LRRFIP2: variants seen among roughly 807,000 people sequenced by gnomAD.
LRRFIP2 encodes LRR binding FLII interacting protein 2.
Under a neutral mutation model 125.9 loss-of-function variants are expected in LRRFIP2, and 109 were observed. The ratio of observed to expected loss-of-function variants is 0.87; its 90% CI spans 0.74 to 1.01. The LOEUF is 1.01. LRRFIP2 is among the 50% of genes least tolerant of loss of function. The pLI is 0.00. For synonymous variants in LRRFIP2, 291 were observed against 293.1 expected, an observed-to-expected ratio of 0.99 and a Z score of 0.07; for missense variants, 850 against 862.3, an observed-to-expected ratio of 0.99 and a Z score of 0.18.
In LRRFIP2 at chr3:37,105,387, C is replaced by T. The variant is rs551308401; in HGVS notation, c.783+68G>A. 55 of 1,280,670 alleles carry T rather than the reference C, an allele frequency of 4.3e-5. No homozygotes were observed. In the African/African-American group the frequency reaches 5.4e-4, roughly 13 times the overall value. 79.3% of individuals were successfully genotyped at this position (1,280,670 alleles called of 1,614,324 possible). On this transcript the variant is annotated intron_variant, in intron 14 of 27. Transcript: ENST00000336686. ...AATGCAAACTTCACTTTCCAACAGA[C>T]TTCATGTGATCATGCATTGCTGTCA...
chr3:37,066,125 G>A, intron 22 of LRRFIP2, 99 bp downstream of exon 22: 2 of 1,325,950 alleles, frequency 1.5e-6, no homozygotes, highest in African/African-American at 1.4e-5. Flanking sequence ...AATAAACACT[G>A]TAGTTTGTAT....
chr3:37,070,472 A>C (rs1381475814), intron 21 of LRRFIP2, among the ~76,000 whole-genome samples: 5 of 151,658 alleles, frequency 3.3e-5, no homozygotes, highest in African/African-American at 9.7e-5. Flanking sequence ...ACAGTGGCTC[A>C]TGCCTGTAGT....
At chr3:37,113,049 C>G in intron 7 of LRRFIP2, 69 bp from the exon 8 acceptor site, 1 of 867,398 alleles carries the variant, frequency 1.2e-6, no homozygotes, top group Non-Finnish European at 1.9e-6. Flanking sequence ...TAAAATTCAT[C>G]TTCAAATTAT....
intron 1 of LRRFIP2, among the ~76,000 whole-genome samples, chr3:37,156,320 A>C (rs1254114624): frequency 1.3e-5 from 2 of 151,860 alleles, no homozygotes; most frequent in Non-Finnish European, 2.9e-5. Context: ...TCTTTAAAAA[A>C]AATTTTTTTT....
intron 18 of LRRFIP2, among the ~76,000 whole-genome samples, chr3:37,088,747 C>A (rs1036621504): frequency 6.6e-6 from 1 of 151,658 alleles, no homozygotes; most frequent in Non-Finnish European, 1.5e-5. Context: ...CAATGAGCTA[C>A]GATTGTGTCA....
intron 18 of LRRFIP2, among the ~76,000 whole-genome samples, chr3:37,085,948 G>A (rs182360885): frequency 6.6e-6 from 1 of 152,104 alleles, no homozygotes; most frequent in Non-Finnish European, 1.5e-5. Context: ...CACAGAATGG[G>A]AGAAAATATT....
At position 37,091,467 on chromosome 3, in the gene LRRFIP2, CT is replaced by C; in HGVS notation, c.1106del (p.Lys369ArgfsTer21). 6.2e-7 allele frequency: 1 copy of C among 1,609,620 alleles called. No individual in the cohort carries two copies. The highest frequency in any genetic ancestry group is 8.5e-7 in the Non-Finnish European group (1 of 1,178,174). ...GRYMQGLKEL[K>X]ESLSEVEEKY... ...TGGGCTGCAGAATGGGCCCTGATAC[CT>C]TTAGTTCTTTAAGCCCCTGCATGTA... is the stretch of plus-strand genomic sequence containing the variant. On this transcript the variant is annotated frameshift_variant and splice_region_variant, in exon 18 of 28. Coordinates refer to ENST00000336686, the MANE Select transcript of LRRFIP2 (RefSeq NM_006309.4). LOFTEE classifies it high-confidence loss of function.
intron 1 of LRRFIP2, among the ~76,000 whole-genome samples, chr3:37,153,993 A>T (rs369704297): frequency 6.7e-6 from 1 of 149,798 alleles, no homozygotes; most frequent in African/African-American, 2.5e-5. Context: ...ACTAGGCAAC[A>T]TGGTGAAATT....
At chr3:37,161,230 T>G (rs1405172255) in intron 1 of LRRFIP2, among the ~76,000 whole-genome samples, 1 of 140,528 alleles carries the variant, frequency 7.1e-6, no homozygotes, top group Non-Finnish European at 1.5e-5. Flanking sequence ...GTGGGACACA[T>G]CTGTAATCCC....
At chr3:37,098,285 T>C (rs898626898) in intron 15 of LRRFIP2, among the ~76,000 whole-genome samples, 2 of 152,158 alleles carry the variant, frequency 1.3e-5, no homozygotes, top group Non-Finnish European at 2.9e-5. Context: ...AAATGTTTTT[T>C]TTTTTACTAT....
chr3:37,088,468 G>A (rs2093222094), intron 18 of LRRFIP2, among the ~76,000 whole-genome samples: 1 of 150,718 alleles, frequency 6.6e-6, no homozygotes, highest in Non-Finnish European at 1.5e-5. Context: ...CTTGAGCCCA[G>A]GAGTTGTAGA....
intron 19 of LRRFIP2, among the ~76,000 whole-genome samples, chr3:37,076,595 G>C (rs1357503903): frequency 6.6e-6 from 1 of 152,048 alleles, no homozygotes; most frequent in Non-Finnish European, 1.5e-5. Flanking sequence ...GGCCAGGCAC[G>C]GTGGCTCACG....
At position 37,157,067 on chromosome 3, in the gene LRRFIP2, T is replaced by C. The variant is rs149731959; in HGVS notation, c.-55-8029A>G. On this transcript the variant is annotated intron_variant, in intron 1 of 27. Transcript: ENST00000336686. ...TTCCTGGAACCTGGAAGGCAGAGGT[T>C]GCAGTGAGCCAAGATTGCACCATTG... 3.2e-3 allele frequency among the ~76,000 whole-genome samples: 493 copies of C among 152,198 alleles called. 7 individuals carry two copies. Among genetic ancestry groups the C allele is most frequent in the African/African-American group, 0.011 (461 of 41,528 alleles).
chr3:37,065,829 T>C lies in LRRFIP2; in HGVS notation c.1680A>G (p.Ser560=). 1 of 1,614,218 alleles carries C rather than the reference T, an allele frequency of 6.2e-7. No homozygotes were observed. ...VSQEAAQVLE[S]AGEGPLDVRL... ...TCTTACCTAATGGCCCTTCTCCTGC[T>C]GACTCCAAGACCTGAGCAGCTTCCT... is the stretch of plus-strand genomic sequence containing the variant. The change falls in exon 23 of 28, where the codon TCA becomes TCG. Residue 560 remains serine (S), a synonymous_variant. Coordinates refer to ENST00000336686, the MANE Select transcript of LRRFIP2 (RefSeq NM_006309.4).
At position 37,063,864 on chromosome 3, in the gene LRRFIP2, A is replaced by G. The variant is rs562812121; in HGVS notation, c.1700-73T>C. ...ACATAAACAATTAAAAATTTTTCAAACTCATAAACAGCTAATATTATCTGA... is the reference window on the plus strand; with the variant it reads ...ACATAAACAATTAAAAATTTTTCAAGCTCATAAACAGCTAATATTATCTGA... On this transcript the variant is annotated intron_variant, in intron 23 of 27. Coordinates refer to ENST00000336686, the MANE Select transcript of LRRFIP2 (RefSeq NM_006309.4). 6 of 996,906 alleles carry G rather than the reference A, an allele frequency of 6.0e-6. No individual in the cohort carries two copies. In the African/African-American group the frequency reaches 8.0e-5, roughly 13 times the overall value. 61.8% of individuals were successfully genotyped at this position (996,906 alleles called of 1,614,324 possible). A position where few individuals can be genotyped will look rare whatever the true frequency, so the allele number is the denominator to read the frequency against.
At chr3:37,081,475 A>C (rs1309877803) in intron 19 of LRRFIP2, among the ~76,000 whole-genome samples, 1 of 152,184 alleles carries the variant, frequency 6.6e-6, no homozygotes, top group African/African-American at 2.4e-5. Context: ...GTTGTTTAGA[A>C]CAAGAGAGCT....
chr3:37,176,106 C>G (rs1266577589), upstream of LRRFIP2: 3 of 152,372 alleles, frequency 2.0e-5, no homozygotes, highest in South Asian at 2.1e-4. Flanking sequence ...CGGGAAGGGC[C>G]GAAGAGCTGC....
chr3:37,159,842 A>AG (rs901093842), intron 1 of LRRFIP2, among the ~76,000 whole-genome samples: 1 of 150,910 alleles, frequency 6.6e-6, no homozygotes, highest in African/African-American at 2.4e-5. Flanking sequence ...AAAAAAAAAA[A>AG]GGAAAGAAAA....
At chr3:37,063,912 T>C in intron 23 of LRRFIP2, 121 bp from the exon 24 acceptor site, 1 of 714,930 alleles carries the variant, frequency 1.4e-6, no homozygotes, top group South Asian at 1.7e-5. Context: ...CTTACAGCTC[T>C]GAATATCTAA....
Sources: allele counts gnomAD v4.1 joint callset (sites outside exome capture counted in the v4.1 genomes callset), GRCh38; gene constraint gnomAD v4.1.1; transcripts MANE v1.5; gene names NCBI Gene and HGNC (gene_info 2026-07-23, HGNC 2026-07-21).